PCDH15: variants seen among roughly 807,000 people sequenced by gnomAD.
PCDH15 encodes the protein protocadherin related 15, also known as protocadherin-15.
PCDH15 carries 129 observed loss-of-function variants against 178.5 expected under a neutral mutation model. The ratio of observed to expected loss-of-function variants is 0.72; its 90% CI spans 0.63 to 0.84. The LOEUF (loss-of-function observed/expected upper bound fraction) is 0.84, where lower values mean the gene tolerates loss of function less well. Among genes scored for constraint, PCDH15 ranks in the 40% least tolerant of loss-of-function variants. The pLI, the probability that PCDH15 is intolerant of heterozygous loss-of-function variation, is 0.00. For missense variants in PCDH15, 2,230 were observed against 2,099.9 expected (o/e 1.06, Z -1.21); for synonymous variants, 800 against 732.0 (o/e 1.09, Z -1.50).
intron 28 of PCDH15, among the ~76,000 whole-genome samples, chr10:53,853,999 G>A (rs1036004476): frequency 1.3e-5 from 2 of 151,828 alleles, no homozygotes; most frequent in Non-Finnish European, 2.9e-5. Context: ...ATCCAAGAGG[G>A]GGAAACAACC....
At chr10:54,019,223 G>A (rs557170209) in intron 20 of PCDH15, among the ~76,000 whole-genome samples, 3 of 152,078 alleles carry the variant, frequency 2.0e-5, no homozygotes, top group East Asian at 3.9e-4. Flanking sequence ...TTTTTACAAT[G>A]TACCATGATA....
At chr10:55,297,187 T>C (rs1199834643) in intron 1 of PCDH15, among the ~76,000 whole-genome samples, 1 of 151,576 alleles carries the variant, frequency 6.6e-6, no homozygotes, top group Non-Finnish European at 1.5e-5. Context: ...AAAAATACCC[T>C]AAAGAAAGAA....
intron 2 of PCDH15, among the ~76,000 whole-genome samples, chr10:55,480,949 G>A (rs1256029150): frequency 1.3e-5 from 2 of 151,734 alleles, no homozygotes; most frequent in Non-Finnish European, 2.9e-5. Flanking sequence ...GAATTCAGCT[G>A]TGAATCCATC....
intron 15 of PCDH15, among the ~76,000 whole-genome samples, chr10:54,124,742 T>C: frequency 6.6e-6 from 1 of 152,190 alleles, no homozygotes; most frequent in East Asian, 1.9e-4. Flanking sequence ...TAAACTCCTG[T>C]ATCATCTTCA....
chr10:54,675,906 T>C (rs774961306), intron 1 of PCDH15, among the ~76,000 whole-genome samples: 1 of 152,192 alleles, frequency 6.6e-6, no homozygotes, highest in East Asian at 1.9e-4. Context: ...TTTCACAAAA[T>C]GTCCTGTTAT....
chr10:54,393,782 G>GA lies in PCDH15; in HGVS notation c.158-14841dup, dbSNP rs1950846553. Among the ~76,000 whole-genome samples, 6 of 152,082 alleles carry GA rather than the reference G, an allele frequency of 3.9e-5. No individual in the cohort carries two copies. The South Asian group carries it at 1.0e-3, about 26-fold the overall frequency. ...ATAAAGAGCCCATTCACTTTTTAGG[G>GA]AAAAAAGACACAAATAACACAATGG... On this transcript the variant is annotated intron_variant, in intron 3 of 37. Transcript: ENST00000644397.
At chr10:54,729,989 G>A (rs1012300422) in intron 1 of PCDH15, among the ~76,000 whole-genome samples, 1 of 151,536 alleles carries the variant, frequency 6.6e-6, no homozygotes, top group African/African-American at 2.4e-5. Flanking sequence ...AATCAGTTTG[G>A]AGATTTGTCA....
At chr10:55,258,382 AG>A (rs1162258401) in intron 1 of PCDH15, among the ~76,000 whole-genome samples, 1 of 152,154 alleles carries the variant, frequency 6.6e-6, no homozygotes, top group Non-Finnish European at 1.5e-5. Flanking sequence ...AAGACACCAG[AG>A]GTGGCCAGCA....
At chr10:55,619,327 C>A (rs905602027) in intron 2 of PCDH15, among the ~76,000 whole-genome samples, 1 of 151,870 alleles carries the variant, frequency 6.6e-6, no homozygotes, top group African/African-American at 2.4e-5. Flanking sequence ...ACTATAGCGT[C>A]ATTGGTTCTG....
intron 1 of PCDH15, among the ~76,000 whole-genome samples, chr10:54,752,493 AAAAAACAAAAAAC>A (rs1946424813): frequency 1.5e-3 from 98 of 67,570 alleles, no homozygotes; most frequent in East Asian, 4.5e-3. Flanking sequence ...AAAAAAAAAC[AAAAAACAAAAAAC>A]AAAAAACAAA....
intron 3 of PCDH15, among the ~76,000 whole-genome samples, chr10:54,492,838 A>G (rs933049190): frequency 7.9e-5 from 12 of 152,150 alleles, no homozygotes; most frequent in Admixed American, 7.2e-4. Context: ...GTCTGTTTTC[A>G]TGCTGCTGAT....
At chr10:54,597,136 A>G (rs1280594271) in intron 2 of PCDH15, among the ~76,000 whole-genome samples, 1 of 152,182 alleles carries the variant, frequency 6.6e-6, no homozygotes, top group Non-Finnish European at 1.5e-5. Flanking sequence ...AAAAAACAAC[A>G]TAATGTACAT....
At chr10:55,104,250 A>G (rs977610976) in intron 2 of PCDH15, among the ~76,000 whole-genome samples, 2 of 151,974 alleles carry the variant, frequency 1.3e-5, no homozygotes, top group African/African-American at 4.8e-5. Context: ...CATTCATACA[A>G]ATATCTTTTT....
chr10:54,060,405 A>G lies in PCDH15; in HGVS notation c.2220+6352T>C, dbSNP rs569687597. Among the ~76,000 whole-genome samples the G allele has an allele frequency of 4.0e-5, 6 of 150,778 alleles. No individual in the cohort carries two copies. The East Asian group carries it at 9.6e-4, about 24-fold the overall frequency. ...ATAAACAATTGTTTGCATTTAGTTC[A>G]TAGTGTTGTAAAAAATATTACTTTC... On this transcript the variant is annotated intron_variant, in intron 18 of 37. Coordinates refer to ENST00000644397, the MANE Select transcript of PCDH15 (RefSeq NM_001384140.1).
At chr10:55,002,449 T>C (rs1281449569) in intron 2 of PCDH15, among the ~76,000 whole-genome samples, 1 of 152,232 alleles carries the variant, frequency 6.6e-6, no homozygotes, top group Non-Finnish European at 1.5e-5. Flanking sequence ...CTCACAGTAC[T>C]TTCACTAGAG....
At chr10:55,585,688 G>GTA (rs752530494) in intron 2 of PCDH15, among the ~76,000 whole-genome samples, 3 of 151,776 alleles carry the variant, frequency 2.0e-5, no homozygotes, top group Non-Finnish European at 4.4e-5. Context: ...GTAGGTATGT[G>GTA]TATATATATG....
chr10:55,566,447 A>G (rs1167277403), intron 2 of PCDH15, among the ~76,000 whole-genome samples: 1 of 151,720 alleles, frequency 6.6e-6, no homozygotes, highest in Non-Finnish European at 1.5e-5. Flanking sequence ...ATATAGTACT[A>G]AAAGATCTGG....
chr10:55,276,662 G>A (rs1369151831), intron 1 of PCDH15, among the ~76,000 whole-genome samples: 1 of 151,400 alleles, frequency 6.6e-6, no homozygotes, highest in African/African-American at 2.4e-5. Context: ...TTCTTGCATG[G>A]TATTTATTAT....
chr10:54,448,071 T>C (rs1210234677), intron 3 of PCDH15, among the ~76,000 whole-genome samples: 1 of 151,688 alleles, frequency 6.6e-6, no homozygotes, highest in Non-Finnish European at 1.5e-5. Flanking sequence ...CACTCTAATA[T>C]ATACAGAACT....
Sources: gnomAD v4.1 joint callset for allele counts (sites outside exome capture counted in the v4.1 genomes callset) on GRCh38, gnomAD v4.1.1 for gene constraint, MANE v1.5 for transcripts, NCBI Gene and HGNC (gene_info 2026-07-23, HGNC 2026-07-21) for gene names.